Variants in TMF1 observed in about 807,000 individuals in gnomAD.
The protein encoded by TMF1 is TATA element modulatory factor 1.
TMF1 carries 71 observed loss-of-function variants against 126.5 expected under a neutral mutation model. That is an observed-to-expected ratio of 0.56 (90% CI 0.46 to 0.68). The LOEUF (loss-of-function observed/expected upper bound fraction) is 0.68, where lower values mean the gene tolerates loss of function less well. Ranked by LOEUF, TMF1 falls within the 30% of genes least tolerant of loss-of-function variation. TMF1 has a pLI of 0.00. For missense variants in TMF1, 1,259 were observed against 1,253.2 expected (o/e 1.00, Z -0.07); for synonymous variants, 461 against 430.5 (o/e 1.07, Z -0.88).
chr3:69,043,748 AC>A lies in TMF1; in HGVS notation c.1578+1del. On this transcript the variant is annotated splice_donor_variant, in intron 4 of 16. Transcript: ENST00000398559. LOFTEE classifies it high-confidence loss of function. The stretch of plus-strand genomic sequence containing the variant: ...ATTAATATTACTTTAAATTTCAATT[AC>A]CTTTTTAGCAGCATCTCTCTCTTTG... 4 of 1,602,084 alleles carry A rather than the reference AC, an allele frequency of 2.5e-6. No homozygotes were observed. The highest frequency in any genetic ancestry group is 3.4e-6 in the Non-Finnish European group (4 of 1,175,372).
Position 69,042,859 on chromosome 3 carries a change from A to G in TMF1, c.1632T>C (p.Thr544=). Residue 544 remains threonine (T), a synonymous_variant, in exon 5 of 17, where the codon ACT becomes ACC. Transcript: ENST00000398559. ...ELATRLNSSE[T]ADLLKEKDEQ... ...CATCTTTCTCTTTCAAAAGGTCTGCAGTTTCACTACTATTTAATCTAGTGG... is the reference window on the plus strand; with the variant it reads ...CATCTTTCTCTTTCAAAAGGTCTGCGGTTTCACTACTATTTAATCTAGTGG... 1 of 1,613,706 alleles carries G rather than the reference A, an allele frequency of 6.2e-7. No homozygotes were observed. Among genetic ancestry groups the G allele is most frequent in the Non-Finnish European group, 8.5e-7 (1 of 1,179,888 alleles).
At chr3:69,033,489 T>C in intron 10 of TMF1, 59 bp downstream of exon 10, 1 of 1,524,960 alleles carries the variant, frequency 6.6e-7, no homozygotes, top group Non-Finnish European at 8.8e-7. Context: ...ACCATTATTC[T>C]AATTCTATAA....
chr3:69,023,062 A>C lies in TMF1; in HGVS notation c.*115T>G. On this transcript the variant is annotated 3_prime_UTR_variant, in exon 17 of 17. Transcript: ENST00000398559. ...AAAACAATTTTAAAAAAATTTTTAC[A>C]CTCTACAGTAAATCCCACTTTCTAA... 1 of 967,834 alleles carries C rather than the reference A, an allele frequency of 1.0e-6. No individual in the cohort carries two copies. The highest frequency in any genetic ancestry group is 1.5e-6 in the Non-Finnish European group (1 of 685,596). 60.0% of individuals were successfully genotyped at this position (967,834 alleles called of 1,614,324 possible).
intron 4 of TMF1, 87 bp from the exon 5 acceptor site, chr3:69,042,999 T>C (rs986185978): frequency 2.2e-6 from 2 of 912,310 alleles, no homozygotes; most frequent in East Asian, 2.6e-5. Context: ...AAAGAAGCTG[T>C]CCATAATCAC....
Position 69,039,449 on chromosome 3 carries a change from A to G in TMF1, c.1827+102T>C, listed in dbSNP as rs546113276. ...TTGTTTGAAAAATCCTTCTTACATG[A>G]TATACCCCATTAAATCTTTTCAAAT... On this transcript the variant is annotated intron_variant, in intron 6 of 16. Transcript: ENST00000398559. The G allele has an allele frequency of 1.4e-5, 18 of 1,279,654 alleles. No homozygotes were observed. In the African/African-American group the frequency reaches 2.7e-4, roughly 19 times the overall value. 79.3% of individuals were successfully genotyped at this position (1,279,654 alleles called of 1,614,324 possible).
At chr3:69,038,455 C>T in intron 8 of TMF1, 109 bp downstream of exon 8, 1 of 1,254,458 alleles carries the variant, frequency 8.0e-7, no homozygotes, top group Non-Finnish European at 1.1e-6. Context: ...ACTCTGAAAT[C>T]TAACACATGT....
chr3:69,047,484 C>T lies in TMF1; in HGVS notation c.1221G>A (p.Gln407=), dbSNP rs1393634826. 1 of 1,614,220 alleles carries T rather than the reference C, an allele frequency of 6.2e-7. No individual in the cohort carries two copies. The highest frequency in any genetic ancestry group is 1.3e-5 in the African/African-American group (1 of 75,072). The change falls in exon 2 of 17, where the codon CAG becomes CAA. Residue 407 remains glutamine (Q), a synonymous_variant. Coordinates refer to ENST00000398559, the MANE Select transcript of TMF1 (RefSeq NM_007114.3). The part of the protein sequence containing the change: ...GRSATPVNCE[Q]PDILVSSTPI... ...GTGTGGAAGAAACCAAGATATCAGG[C>T]TGTTCACAGTTAACAGGAGTTGCAC...
chr3:69,038,642 T>G lies in TMF1; in HGVS notation c.2073A>C (p.Lys691Asn). The G allele has an allele frequency of 6.2e-7, 1 of 1,614,198 alleles. No homozygotes were observed. The highest frequency in any genetic ancestry group is 8.5e-7 in the Non-Finnish European group (1 of 1,180,014). Reference sequence around the variant, plus strand: ...ATGCTGCAGAAAGTTCTTCTTTAGCTTTCATTTCACGGCTCAGAGCAGCTT... The same window carrying G: ...ATGCTGCAGAAAGTTCTTCTTTAGCGTTCATTTCACGGCTCAGAGCAGCTT... ...AQEAALSREM[K>N]AKEELSAALE... The change falls in exon 8 of 17, where the codon AAA (lysine) becomes AAC (asparagine). Residue 691 changes from lysine to asparagine, a missense_variant. By Grantham distance (94) the Lys-to-Asn change is moderately conservative. Transcript: ENST00000398559.
rs1372017512 is a variant in TMF1 at position 69,033,607 on chromosome 3, G to T, written c.2342C>A (p.Thr781Asn). Residue 781 changes from threonine to asparagine, a missense_variant, in exon 10 of 17, where the codon ACC becomes AAC. Physicochemically the swap from Thr to Asn is moderately conservative, Grantham distance 65. Coordinates refer to ENST00000398559, the MANE Select transcript of TMF1 (RefSeq NM_007114.3). ...CCACGACGATGTCTGGGATCCCAGG[G>T]TTGCTTGCAAATTTTCTATTTGTCG... ...LLRQIENLQA[T>N]LGSQTSSWEK... 6.2e-7 allele frequency: 1 copy of T among 1,613,818 alleles called. No homozygotes were observed. The highest frequency in any genetic ancestry group is 8.5e-7 in the Non-Finnish European group (1 of 1,180,000).
At chr3:69,029,140 TCTC>T (rs1437367968) in intron 11 of TMF1, among the ~76,000 whole-genome samples, 1 of 152,102 alleles carries the variant, frequency 6.6e-6, no homozygotes, top group East Asian at 1.9e-4. Flanking sequence ...TTCAAGCAAT[TCTC>T]CTGCCTCAGC....
chr3:69,030,048 C>A, intron 10 of TMF1, 41 bp from the exon 11 acceptor site: 1 of 1,534,716 alleles, frequency 6.5e-7, no homozygotes, highest in Non-Finnish European at 8.8e-7. Context: ...ACACATACAG[C>A]CCAGAGACCA....
In TMF1 at chr3:69,028,209, G is replaced by T; in HGVS notation, c.2664+17C>A. The T allele has an allele frequency of 5.0e-6, 8 of 1,603,998 alleles. No homozygotes were observed. Among genetic ancestry groups the T allele is most frequent in the Non-Finnish European group, 6.8e-6 (8 of 1,171,610 alleles). ...TAATGTATGCCCTAAGAGCTGAGTG[G>T]TCACGAAGAGAAATACCTTTTCTTT... is the stretch of plus-strand genomic sequence containing the variant. On this transcript the variant is annotated intron_variant, in intron 12 of 16. Transcript: ENST00000398559.
At position 69,038,593 on chromosome 3, in the gene TMF1, G is replaced by A. The variant is rs749438309; in HGVS notation, c.2122C>T (p.Arg708Cys). The part of the protein sequence containing the change: ...AALEKAQEEA[R>C]QQQETLAIQV... ...ATGGCTAATGTTTCTTGCTGCTGAC[G>A]GGCTTCTTCTTGGGCCTTCTCTAAT... Residue 708 changes from arginine to cysteine, a missense_variant, in exon 8 of 17, where the codon CGT (arginine) becomes TGT (cysteine). Coordinates refer to ENST00000398559, the MANE Select transcript of TMF1 (RefSeq NM_007114.3). 14 of 1,613,822 alleles carry A rather than the reference G, an allele frequency of 8.7e-6. No homozygotes were observed. The African/African-American group carries it at 9.3e-5, about 11-fold the overall frequency.
chr3:69,041,635 C>A (rs1220967064), intron 5 of TMF1, among the ~76,000 whole-genome samples: 2 of 151,750 alleles, frequency 1.3e-5, no homozygotes, highest in Non-Finnish European at 2.9e-5. Flanking sequence ...TTTAATACAG[C>A]CACTAATAAT....
rs1026783785 is a variant in TMF1 at position 69,021,848 on chromosome 3, T to C, written c.*1329A>G. 1 of 152,086 alleles carries C rather than the reference T, an allele frequency of 6.6e-6. No individual in the cohort carries two copies. 9.4% of individuals were successfully genotyped at this position (152,086 alleles called of 1,614,324 possible). A position where few individuals can be genotyped will look rare whatever the true frequency, so the allele number is the denominator to read the frequency against. ...GGCGCACACCACCACGCCAGGCTAA[T>C]TTTTGTATTTTTAGTAGAGATGGGG... On this transcript the variant is annotated 3_prime_UTR_variant, in exon 17 of 17. Coordinates refer to ENST00000398559, the MANE Select transcript of TMF1 (RefSeq NM_007114.3).
intron 13 of TMF1, among the ~76,000 whole-genome samples, chr3:69,027,660 C>T (rs541330602): frequency 6.8e-6 from 1 of 146,182 alleles, no homozygotes; most frequent in East Asian, 2.0e-4. Flanking sequence ...ATAAAATATA[C>T]TAACAATAGC....
Position 69,047,707 on chromosome 3 carries a change from G to C in TMF1, c.998C>G (p.Ser333Ter). ...TTCACTTACACTCCGGCTATCTAATGACTGTACACTAAATGAGTCTATTCT... is the reference window on the plus strand; with the variant it reads ...TTCACTTACACTCCGGCTATCTAATCACTGTACACTAAATGAGTCTATTCT... ...FERIDSFSVQ[S>*]LDSRSVSEIN... The change falls in exon 2 of 17, where the codon TCA becomes TGA. Residue 333 changes from serine to a stop codon, truncating the protein, a stop_gained. Transcript: ENST00000398559. LOFTEE classifies it high-confidence loss of function. The C allele has an allele frequency of 6.2e-7, 1 of 1,614,020 alleles. No individual in the cohort carries two copies. Among genetic ancestry groups the C allele is most frequent in the Non-Finnish European group, 8.5e-7 (1 of 1,180,024 alleles).
At chr3:69,025,918 G>A (rs2091764766) in intron 14 of TMF1, 78 bp downstream of exon 14, 8 of 1,306,688 alleles carry the variant, frequency 6.1e-6, no homozygotes, top group South Asian at 2.6e-5. Context: ...AGGTCATGAT[G>A]ACAGACAATA....
intron 8 of TMF1, among the ~76,000 whole-genome samples, chr3:69,037,238 T>C (rs2091837042): frequency 1.3e-5 from 2 of 152,202 alleles, no homozygotes; most frequent in African/African-American, 4.8e-5. Flanking sequence ...CTCACGCCTG[T>C]AATCCCCGCA....
Sources: allele counts gnomAD v4.1 joint callset (sites outside exome capture counted in the v4.1 genomes callset), GRCh38; gene constraint gnomAD v4.1.1; transcripts MANE v1.5; gene names NCBI Gene and HGNC (gene_info 2026-07-23, HGNC 2026-07-21).